QSOX2: variants seen among roughly 807,000 people sequenced by gnomAD.
QSOX2 encodes the protein sulfhydryl oxidase 2.
QSOX2 carries 46 observed loss-of-function variants against 61.7 expected under a neutral mutation model. That is an observed-to-expected ratio of 0.75 (90% confidence interval 0.59 to 0.95). The LOEUF (loss-of-function observed/expected upper bound fraction) is 0.95. Ranked by LOEUF, QSOX2 falls within the 40% of genes least tolerant of loss-of-function variation. The probability of loss-of-function intolerance (pLI) is 0.00; values close to 1 mark genes in which losing one functional copy is unlikely to be tolerated. For missense variants in QSOX2, 879 were observed against 918.9 expected (o/e 0.96, Z 0.56); for synonymous variants, 383 against 388.4 (o/e 0.99, Z 0.16).
chr9:136,218,634 A>G (rs183495350), intron 8 of QSOX2, 45 bp downstream of exon 8: 3 of 1,596,234 alleles, frequency 1.9e-6, no homozygotes, highest in East Asian at 2.2e-5. Context: ...CACTCTGTGC[A>G]GAGCCAAATT....
At chr9:136,231,612 G>A (rs1352973610) in intron 1 of QSOX2, among the ~76,000 whole-genome samples, 1 of 152,264 alleles carries the variant, frequency 6.6e-6, no homozygotes, top group Non-Finnish European at 1.5e-5. Context: ...GTGCTCAGGG[G>A]CTTGTGCGAA....
At chr9:136,214,030 C>A (rs138285805) in intron 10 of QSOX2, among the ~76,000 whole-genome samples, 4 of 152,158 alleles carry the variant, frequency 2.6e-5, no homozygotes, top group Non-Finnish European at 5.9e-5. Context: ...AAAAAATAAC[C>A]GTAAAGGAAT....
intron 11 of QSOX2, chr9:136,210,674 A>T (rs1271224764): frequency 5.1e-6 from 5 of 985,304 alleles, no homozygotes; most frequent in Non-Finnish European, 6.0e-6. Context: ...TTTCTAACAC[A>T]GTGGATTAAA....
intron 1 of QSOX2, among the ~76,000 whole-genome samples, chr9:136,240,501 G>A (rs1199717177): frequency 6.6e-6 from 1 of 152,216 alleles, no homozygotes; most frequent in African/African-American, 2.4e-5. Flanking sequence ...TCCTGAGTCA[G>A]GGCCATGCTG....
chr9:136,208,885 C>G lies in QSOX2; in HGVS notation c.1940G>C (p.Gly647Ala). ...GTCAACCCCGAGGAAGGGTGCGGCCCCGCCCACCTCCTTGTGGGCCCCGGG... is the reference window on the plus strand; with the variant it reads ...GTCAACCCCGAGGAAGGGTGCGGCCGCGCCCACCTCCTTGTGGGCCCCGGG... ...DGPGAHKEVG[G>A]AAPFLGVDFS... The change falls in exon 12 of 12, where the codon GGG (glycine) becomes GCG (alanine). Residue 647 changes from glycine to alanine, a missense_variant. Transcript: ENST00000358701. 1 of 1,613,972 alleles carries G rather than the reference C, an allele frequency of 6.2e-7. No homozygotes were observed. Among genetic ancestry groups the G allele is most frequent in the South Asian group, 1.1e-5 (1 of 91,074 alleles).
chr9:136,215,074 T>A, intron 10 of QSOX2, 80 bp downstream of exon 10: 1 of 1,520,368 alleles, frequency 6.6e-7, no homozygotes, highest in East Asian at 2.3e-5. Context: ...CATACAGCAG[T>A]ACATGCCTTT....
In QSOX2 at chr9:136,209,124, G is replaced by A. The variant is rs1384366249; in HGVS notation, c.1701C>T (p.Leu567=). The change falls in exon 12 of 12, where the codon CTC becomes CTT. Residue 567 remains leucine (L), a synonymous_variant. Transcript: ENST00000358701. This position sits in a 1 kb window ranked among gnomAD's most constrained non-coding sequence, Gnocchi z 5.6. ...FLKQHYGRDN[L]LDTYSADQGD... is the part of the protein sequence containing the mutation. The stretch of plus-strand genomic sequence containing the variant: ...CCTGGTCTGCGGAATACGTGTCTAA[G>A]AGGTTGTCGCGGCCATAGTGCTGCT... 1 of 1,614,184 alleles carries A rather than the reference G, an allele frequency of 6.2e-7. No individual in the cohort carries two copies. The highest frequency in any genetic ancestry group is 8.5e-7 in the Non-Finnish European group (1 of 1,180,034).
rs1420224548 is a variant in QSOX2 at position 136,207,025 on chromosome 9, G to A, written c.*1703C>T. 6 of 152,278 alleles carry A rather than the reference G, an allele frequency of 3.9e-5. No individual in the cohort carries two copies. Among genetic ancestry groups the A allele is most frequent in the Non-Finnish European group, 5.9e-5 (4 of 68,026 alleles). 9.4% of individuals were successfully genotyped at this position (152,278 alleles called of 1,614,324 possible). A position where few individuals can be genotyped will look rare whatever the true frequency, so the allele number is the denominator to read the frequency against. On this transcript the variant is annotated 3_prime_UTR_variant, in exon 12 of 12. Coordinates refer to ENST00000358701, the MANE Select transcript of QSOX2 (RefSeq NM_181701.4). ...GATGAAGCAATGAAGGCAAGGTCAC[G>A]GCTGCTAAAGCACAGAGGGGTTAAA... is the stretch of plus-strand genomic sequence containing the variant.
chr9:136,221,743 T>C lies in QSOX2; in HGVS notation c.821+53A>G, dbSNP rs1001692780. 6.6e-7 allele frequency: 1 copy of C among 1,524,302 alleles called. No homozygotes were observed. The highest frequency in any genetic ancestry group is 2.0e-5 in the Admixed American group (1 of 49,270). 94.4% of individuals were successfully genotyped at this position (1,524,302 alleles called of 1,614,324 possible). On this transcript the variant is annotated intron_variant, in intron 6 of 11. Coordinates refer to ENST00000358701, the MANE Select transcript of QSOX2 (RefSeq NM_181701.4). This position sits in a 1 kb window ranked among gnomAD's most constrained non-coding sequence, Gnocchi z 4.5. ...ACTTGCACTGTCTACTCGGAGCCTC[T>C]GTCCGGTAACTCCGAGCGGCACGGA...
Position 136,207,509 on chromosome 9 carries a change from A to G in QSOX2, c.*1219T>C, listed in dbSNP as rs1321416722. 1 of 152,336 alleles carries G rather than the reference A, an allele frequency of 6.6e-6. No homozygotes were observed. Among genetic ancestry groups the G allele is most frequent in the Non-Finnish European group, 1.5e-5 (1 of 68,026 alleles). 9.4% of individuals were successfully genotyped at this position (152,336 alleles called of 1,614,324 possible). A position where few individuals can be genotyped will look rare whatever the true frequency, so the allele number is the denominator to read the frequency against. ...ATATAAATGTTCCCAGAAATAGTGT[A>G]TTTGTTTGTTTACATCTTCAGAGGC... On this transcript the variant is annotated 3_prime_UTR_variant, in exon 12 of 12. Transcript: ENST00000358701.
intron 9 of QSOX2, 59 bp from the exon 10 acceptor site, chr9:136,215,363 AAC>A: frequency 8.0e-7 from 1 of 1,245,440 alleles, no homozygotes; most frequent in Non-Finnish European, 1.1e-6. Flanking sequence ...TGAAATTAAA[AAC>A]AGTCGACAGC....
intron 8 of QSOX2, among the ~76,000 whole-genome samples, chr9:136,217,563 A>G (rs1406198411): frequency 2.0e-5 from 3 of 152,248 alleles, no homozygotes; most frequent in Admixed American, 6.5e-5. Flanking sequence ...TTAGACATCC[A>G]AGTAAACTTC....
At chr9:136,237,355 T>C (rs1321719419) in intron 1 of QSOX2, among the ~76,000 whole-genome samples, 16 of 103,384 alleles carry the variant, frequency 1.5e-4, no homozygotes, top group East Asian at 3.4e-4. Context: ...ACTTGGAGCC[T>C]GTCCTGTGCC....
In QSOX2 at chr9:136,209,855, A is replaced by G; in HGVS notation, c.1550-580T>C. The G allele has an allele frequency of 1.0e-6, 1 of 985,370 alleles. No homozygotes were observed. Among genetic ancestry groups the G allele is most frequent in the South Asian group, 4.7e-5 (1 of 21,284 alleles). 61.0% of individuals were successfully genotyped at this position (985,370 alleles called of 1,614,324 possible). A position where few individuals can be genotyped will look rare whatever the true frequency, so the allele number is the denominator to read the frequency against. On this transcript the variant is annotated intron_variant, in intron 11 of 11. Coordinates refer to ENST00000358701, the MANE Select transcript of QSOX2 (RefSeq NM_181701.4). This position sits in a 1 kb window ranked among gnomAD's most constrained non-coding sequence, Gnocchi z 5.6. ...GACTACAAATCCCTTCAAGATCTCC[A>G]AAACTCGTTTCTGAAGTGACATGTG...
intron 11 of QSOX2, 53 bp downstream of exon 11, chr9:136,211,211 A>C: frequency 6.3e-7 from 1 of 1,580,900 alleles, no homozygotes; most frequent in Non-Finnish European, 8.7e-7. Context: ...CTGTCCCAGG[A>C]CCAGGGCCTC....
chr9:136,222,015 G>A lies in QSOX2; in HGVS notation c.676-74C>T. Reference sequence around the variant, plus strand: ...CAGAAAACACGACGTGCAGACACATGGCCTTGCAGGGAACCTTTCACAAAA... The same window carrying A: ...CAGAAAACACGACGTGCAGACACATAGCCTTGCAGGGAACCTTTCACAAAA... On this transcript the variant is annotated intron_variant, in intron 5 of 11. Coordinates refer to ENST00000358701, the MANE Select transcript of QSOX2 (RefSeq NM_181701.4). The surrounding 1 kb of genome is among the most constrained non-coding windows in gnomAD (Gnocchi z 6.9). The A allele has an allele frequency of 7.0e-7, 1 of 1,418,480 alleles. No individual in the cohort carries two copies. The allele number at this position is 1,418,480 out of a possible 1,614,324, so 87.9% of individuals were successfully genotyped here. A position where few individuals can be genotyped will look rare whatever the true frequency, so the allele number is the denominator to read the frequency against.
In QSOX2 at chr9:136,219,168, TGA is replaced by T; in HGVS notation, c.822-6_822-5del. 1 of 1,612,380 alleles carries T rather than the reference TGA, an allele frequency of 6.2e-7. No individual in the cohort carries two copies. The highest frequency in any genetic ancestry group is 8.5e-7 in the Non-Finnish European group (1 of 1,179,202). On this transcript the variant is annotated splice_polypyrimidine_tract_variant and splice_region_variant and intron_variant, in intron 6 of 11. Coordinates refer to ENST00000358701, the MANE Select transcript of QSOX2 (RefSeq NM_181701.4). Reference sequence around the variant, plus strand: ...GAAGGCCCGCAGAGGCTTCACGCTGTGAGAGAGGGGAGGGCAAAGGTGAGAAG... The same window carrying T: ...GAAGGCCCGCAGAGGCTTCACGCTGTGAGAGGGGAGGGCAAAGGTGAGAAG...
chr9:136,237,636 C>T (rs1411774263), intron 1 of QSOX2, among the ~76,000 whole-genome samples: 6 of 147,256 alleles, frequency 4.1e-5, no homozygotes, highest in Non-Finnish European at 7.5e-5. Flanking sequence ...ACCTGGAGCC[C>T]GTCCTGTGCC....
chr9:136,237,492 C>CAGTGTCCAA (rs1830396544), intron 1 of QSOX2, among the ~76,000 whole-genome samples: 1 of 112,110 alleles, frequency 8.9e-6, no homozygotes, highest in African/African-American at 3.0e-5. Context: ...CGTCCTGTGC[C>CAGTGTCCAA]GGCGACACCT....
Sources: gnomAD v4.1 joint callset for allele counts (sites outside exome capture counted in the v4.1 genomes callset) on GRCh38, gnomAD v4.1.1 for gene constraint, Gnocchi (gnomAD v3.1) non-coding constraint, MANE v1.5 for transcripts, NCBI Gene and HGNC (gene_info 2026-07-23, HGNC 2026-07-21) for gene names.